The following GABRG3 variants were observed in gnomAD, a reference collection of about 807,000 sequenced individuals.
The protein encoded by GABRG3 is gamma-aminobutyric acid type A receptor subunit gamma3, also known as gamma-aminobutyric acid receptor subunit gamma-3.
A neutral mutation model predicts 48.8 loss-of-function variants in GABRG3; 25 were observed. The observed-to-expected ratio is 0.51, with a 90% CI of 0.37 to 0.72. GABRG3 has a LOEUF of 0.72. Among genes scored for constraint, GABRG3 ranks in the 30% least tolerant of loss-of-function variants. The pLI, the probability that GABRG3 is intolerant of heterozygous loss-of-function variation, is 0.00. For missense variants in GABRG3, 394 were observed against 577.9 expected, an observed-to-expected ratio of 0.68 and a Z score of 3.26; for synonymous variants, 227 against 217.6, an observed-to-expected ratio of 1.04 and a Z score of -0.38.
At chr15:27,285,045 T>TGA (rs1891561206) in intron 3 of GABRG3, among the ~76,000 whole-genome samples, 1 of 152,054 alleles carries the variant, frequency 6.6e-6, no homozygotes, top group Non-Finnish European at 1.5e-5. Context: ...TAATAAAGAG[T>TGA]GTTTCCACTG....
At chr15:27,379,805 A>G (rs1048623125) in intron 5 of GABRG3, among the ~76,000 whole-genome samples, 3 of 152,158 alleles carry the variant, frequency 2.0e-5, no homozygotes, top group Non-Finnish European at 2.9e-5. Flanking sequence ...CTGCTTCTCT[A>G]TAGTGAAGGT....
chr15:27,316,982 CCTT>C (rs1419295990), intron 3 of GABRG3, among the ~76,000 whole-genome samples: 4 of 152,168 alleles, frequency 2.6e-5, no homozygotes, highest in Admixed American at 6.5e-5. Flanking sequence ...TACAGAAAAA[CCTT>C]CTCACTTTTG....
intron 5 of GABRG3, among the ~76,000 whole-genome samples, chr15:27,378,831 G>T (rs777748029): frequency 1.3e-5 from 2 of 152,174 alleles, no homozygotes; most frequent in East Asian, 3.8e-4. Flanking sequence ...GTAAAGAAAA[G>T]AAAGTTATTT....
chr15:26,996,759 C>T (rs917850591), intron 2 of GABRG3, among the ~76,000 whole-genome samples: 5 of 152,084 alleles, frequency 3.3e-5, no homozygotes, highest in East Asian at 1.9e-4. Context: ...ATGCCATTCT[C>T]CTGCCTCAGC....
intron 5 of GABRG3, among the ~76,000 whole-genome samples, chr15:27,342,979 A>G (rs181564164): frequency 1.3e-5 from 2 of 152,364 alleles, no homozygotes; most frequent in East Asian, 3.9e-4. Flanking sequence ...GCGCTCAGCA[A>G]GTGACAGCAA....
At position 27,214,352 on chromosome 15, in the gene GABRG3, C is replaced by T. The variant is rs138304530; in HGVS notation, c.271-112457C>T. 7.2e-5 allele frequency among the ~76,000 whole-genome samples: 11 copies of T among 152,334 alleles called. No individual in the cohort carries two copies. The South Asian group carries it at 1.0e-3, about 14-fold the overall frequency. On this transcript the variant is annotated intron_variant, in intron 3 of 9. Transcript: ENST00000615808. ...AGGCCCCTGTAATGGCCATGATGGCCGCGTCGGGTATGCTGGGGACAGATC... is the reference window on the plus strand; with the variant it reads ...AGGCCCCTGTAATGGCCATGATGGCTGCGTCGGGTATGCTGGGGACAGATC...
intron 3 of GABRG3, among the ~76,000 whole-genome samples, chr15:27,088,496 TCCAGTTCTCA>T (rs1351264136): frequency 2.0e-5 from 3 of 152,028 alleles, no homozygotes; most frequent in Admixed American, 6.5e-5. Flanking sequence ...CCTGTATTAG[TCCAGTTCTCA>T]CACTGCTGTG....
In GABRG3 at chr15:27,532,899, G is replaced by A. The variant is rs1219904176; in HGVS notation, c.*18G>A. ...ATCTCTAAGTGTTGCTCAGAGTGAA[G>A]AGTGAAGAGCATTTGGTACACACTT... On this transcript the variant is annotated 3_prime_UTR_variant, in exon 10 of 10. Transcript: ENST00000615808. 1 of 1,609,624 alleles carries A rather than the reference G, an allele frequency of 6.2e-7. No homozygotes were observed. Among genetic ancestry groups the A allele is most frequent in the Admixed American group, 1.7e-5 (1 of 59,864 alleles).
At chr15:27,479,759 C>T (rs1890051342) in intron 5 of GABRG3, among the ~76,000 whole-genome samples, 1 of 152,180 alleles carries the variant, frequency 6.6e-6, no homozygotes, top group South Asian at 2.1e-4. Context: ...GACATAAGGC[C>T]TAGACCTGTT....
At chr15:27,055,543 T>A (rs1381486969) in intron 3 of GABRG3, among the ~76,000 whole-genome samples, 1 of 152,154 alleles carries the variant, frequency 6.6e-6, no homozygotes, top group East Asian at 1.9e-4. Flanking sequence ...ACATGGCAGG[T>A]CACAGTCAAA....
intron 6 of GABRG3, among the ~76,000 whole-genome samples, chr15:27,513,861 C>T (rs1260896059): frequency 6.6e-6 from 1 of 152,122 alleles, no homozygotes; most frequent in Non-Finnish European, 1.5e-5. Context: ...ATACATCATC[C>T]ATAGCAACAG....
intron 3 of GABRG3, among the ~76,000 whole-genome samples, chr15:27,047,726 A>C (rs1216116510): frequency 6.6e-6 from 1 of 152,228 alleles, no homozygotes; most frequent in Non-Finnish European, 1.5e-5. Context: ...GCTGAAAATG[A>C]TATTGTCTTT....
At chr15:27,434,760 G>A (rs1038217316) in intron 5 of GABRG3, among the ~76,000 whole-genome samples, 8 of 152,154 alleles carry the variant, frequency 5.3e-5, no homozygotes, top group Admixed American at 6.5e-5. Flanking sequence ...GGAGTGGAAG[G>A]AGCAGTGCCT....
intron 3 of GABRG3, among the ~76,000 whole-genome samples, chr15:27,291,481 T>C (rs935460757): frequency 1.3e-5 from 2 of 152,214 alleles, no homozygotes; most frequent in African/African-American, 4.8e-5. Flanking sequence ...CCATCTATGA[T>C]CACTCCCCAT....
chr15:27,364,213 A>G (rs1489445943), intron 5 of GABRG3: 1 of 152,280 alleles, frequency 6.6e-6, no homozygotes, highest in Non-Finnish European at 1.5e-5. Flanking sequence ...TCAAGACGGA[A>G]GTGAAACAGA....
intron 5 of GABRG3, among the ~76,000 whole-genome samples, chr15:27,331,151 A>G (rs930420288): frequency 7.9e-5 from 12 of 152,194 alleles, no homozygotes; most frequent in Non-Finnish European, 1.6e-4. Flanking sequence ...GGGGATGCAC[A>G]GTGTCACAGC....
intron 3 of GABRG3, among the ~76,000 whole-genome samples, chr15:27,055,451 C>T (rs1303256827): frequency 2.6e-5 from 4 of 152,176 alleles, no homozygotes; most frequent in African/African-American, 9.6e-5. Context: ...ATCTGAAAAT[C>T]GGAAATCCAG....
Position 27,184,921 on chromosome 15 carries a change from A to AT in GABRG3, c.271-141879dup, listed in dbSNP as rs577039725. Among the ~76,000 whole-genome samples, 7 of 150,560 alleles carry AT rather than the reference A, an allele frequency of 4.6e-5. No individual in the cohort carries two copies. In the East Asian group the frequency reaches 7.8e-4, roughly 17 times the overall value. ...CCTGATATTTGGCAATTTGCGTCTT[A>AT]TTTTTTTTTCCTTTGTCATTCTTGT... On this transcript the variant is annotated intron_variant, in intron 3 of 9. Coordinates refer to ENST00000615808, the MANE Select transcript of GABRG3 (RefSeq NM_033223.5).
At chr15:27,256,113 G>A (rs75163945) in intron 3 of GABRG3, among the ~76,000 whole-genome samples, 1,830 of 152,226 alleles carry the variant, frequency 0.012, 37 homozygotes, top group African/African-American at 0.042. Context: ...TTGTAAGAGG[G>A]AGGCAAGAGG....
Sources: allele counts gnomAD v4.1 joint callset (sites outside exome capture counted in the v4.1 genomes callset), GRCh38; gene constraint gnomAD v4.1.1; transcripts MANE v1.5; gene names NCBI Gene and HGNC (gene_info 2026-07-23, HGNC 2026-07-21).